The following TRIM24 variants were observed in gnomAD, a reference collection of about 807,000 sequenced individuals.
TRIM24 encodes the protein tripartite motif containing 24.
TRIM24 carries 29 observed loss-of-function variants against 123.9 expected under a neutral mutation model. The observed-to-expected ratio is 0.23, with a 90% CI of 0.17 to 0.32. TRIM24 has a LOEUF of 0.32. TRIM24 is among the 10% of genes least tolerant of loss of function. The pLI is 1.00. For missense variants in TRIM24, 932 were observed against 1,295.3 expected (o/e 0.72, Z 4.31); for synonymous variants, 456 against 461.1 (o/e 0.99, Z 0.14).
At position 138,583,845 on chromosome 7, in the gene TRIM24, A is replaced by T. The variant is rs1269989253; in HGVS notation, c.2794-5A>T. The T allele has an allele frequency of 6.5e-7, 1 of 1,539,714 alleles. No individual in the cohort carries two copies. Among genetic ancestry groups the T allele is most frequent in the African/African-American group, 1.4e-5 (1 of 71,410 alleles). ...TTGTATTATAACATCTCATTTTTTT[A>T]ATAGGTGCCTGATTATTACAAAATA... On this transcript the variant is annotated splice_region_variant and splice_polypyrimidine_tract_variant and intron_variant, in intron 17 of 18. Transcript: ENST00000343526.
chr7:138,478,607 G>C (rs1358119518), intron 1 of TRIM24, among the ~76,000 whole-genome samples: 2 of 152,168 alleles, frequency 1.3e-5, no homozygotes, highest in Non-Finnish European at 2.9e-5. Context: ...CTCTTGAGTA[G>C]CTGGGACAAC....
chr7:138,470,812 C>A (rs1429279628), intron 1 of TRIM24, among the ~76,000 whole-genome samples: 1 of 152,180 alleles, frequency 6.6e-6, no homozygotes, highest in Non-Finnish European at 1.5e-5. Context: ...GCAAGGAGAT[C>A]CCTGTCCTAT....
At chr7:138,529,028 C>A (rs1796671673) in intron 5 of TRIM24, 88 bp from the exon 6 acceptor site, 1 of 662,256 alleles carries the variant, frequency 1.5e-6, no homozygotes, top group Non-Finnish European at 2.4e-6. Context: ...GGGCTGAAAA[C>A]ATTTTGGTCT....
At chr7:138,532,556 T>C (rs1452501849) in intron 6 of TRIM24, among the ~76,000 whole-genome samples, 1 of 152,222 alleles carries the variant, frequency 6.6e-6, no homozygotes, top group South Asian at 2.1e-4. Flanking sequence ...GGCTCTGTTC[T>C]GTTCCAAAGG....
chr7:138,460,611 G>A lies in TRIM24; in HGVS notation c.63G>A (p.Gly21=). 7.3e-7 allele frequency: 1 copy of A among 1,369,008 alleles called. No homozygotes were observed. The highest frequency in any genetic ancestry group is 9.4e-7 in the Non-Finnish European group (1 of 1,068,062). The allele number at this position is 1,369,008 out of a possible 1,614,324, so 84.8% of individuals were successfully genotyped here. A position where few individuals can be genotyped will look rare whatever the true frequency, so the allele number is the denominator to read the frequency against. Residue 21 remains glycine, a synonymous_variant, in exon 1 of 19, where the codon GGG becomes GGA. Transcript: ENST00000343526. ...AAAAASAAAS[G]GPSAAPSGEN... is the part of the protein sequence containing the mutation. ...CAGCGGCCTCGGCTGCGGCCTCCGGGGGGCCCTCGGCGGCGCCGAGCGGGG... is the reference window on the plus strand; with the variant it reads ...CAGCGGCCTCGGCTGCGGCCTCCGGAGGGCCCTCGGCGGCGCCGAGCGGGG...
intron 3 of TRIM24, among the ~76,000 whole-genome samples, chr7:138,516,288 C>T (rs1490341440): frequency 6.6e-6 from 1 of 152,130 alleles, no homozygotes; most frequent in African/African-American, 2.4e-5. Flanking sequence ...TGTGACAGAG[C>T]GAGACTCCGT....
At chr7:138,481,354 G>A (rs562257171) in intron 1 of TRIM24, among the ~76,000 whole-genome samples, 1 of 152,040 alleles carries the variant, frequency 6.6e-6, no homozygotes, top group South Asian at 2.1e-4. Context: ...CCAAATATCT[G>A]GGATGACAAG....
chr7:138,517,083 C>T (rs112009851), intron 3 of TRIM24, among the ~76,000 whole-genome samples: 4,055 of 150,254 alleles, frequency 0.027, 192 homozygotes, highest in African/African-American at 0.094. Flanking sequence ...TCCGTCTGCG[C>T]GACAGTGTGA....
At position 138,527,599 on chromosome 7, in the gene TRIM24, T is replaced by C. The variant is rs75636163; in HGVS notation, c.882-1517T>C. On this transcript the variant is annotated intron_variant, in intron 5 of 18. Transcript: ENST00000343526. ...GATGTCAAACAATTATCTGGAAGAA[T>C]TTCCAGCAGGAAATAAAGTCTCTGC... Among the ~76,000 whole-genome samples, 651 of 152,354 alleles carry C rather than the reference T, an allele frequency of 4.3e-3. 6 individuals carry two copies. Among genetic ancestry groups the C allele is most frequent in the African/African-American group, 0.015 (636 of 41,594 alleles).
At chr7:138,579,583 T>C (rs768838848) in intron 15 of TRIM24, 51 bp downstream of exon 15, 2 of 1,457,700 alleles carry the variant, frequency 1.4e-6, no homozygotes, top group South Asian at 1.3e-5. Context: ...CTTTTGAAGA[T>C]TATTTTAACA....
At chr7:138,549,926 T>G (rs1584733592) in intron 7 of TRIM24, among the ~76,000 whole-genome samples, 1 of 152,180 alleles carries the variant, frequency 6.6e-6, no homozygotes, top group Non-Finnish European at 1.5e-5. Context: ...GAGGGGATAT[T>G]GACTGAAAAG....
chr7:138,565,426 TC>T (rs78737475), intron 9 of TRIM24, among the ~76,000 whole-genome samples: 32,746 of 152,028 alleles, frequency 0.22, 4,432 homozygotes, highest in East Asian at 0.5. Flanking sequence ...ATCATCCTGT[TC>T]CTGCTTAGGT....
intron 1 of TRIM24, among the ~76,000 whole-genome samples, chr7:138,478,940 A>G (rs1408580128): frequency 6.6e-6 from 1 of 152,154 alleles, no homozygotes; most frequent in Non-Finnish European, 1.5e-5. Context: ...CTTCCAATTC[A>G]TTATTTTAAT....
chr7:138,553,279 C>T lies in TRIM24; in HGVS notation c.1262-1419C>T, dbSNP rs568150762. ...ATGGCTTCTGAGAAACATATAAAAG[C>T]GCTAGGGGAAAATATTGATCTAGAT... On this transcript the variant is annotated intron_variant, in intron 8 of 18. Transcript: ENST00000343526. 2.3e-4 allele frequency among the ~76,000 whole-genome samples: 35 copies of T among 152,130 alleles called. No individual in the cohort carries two copies. The South Asian group carries it at 3.5e-3, about 15-fold the overall frequency.
chr7:138,508,002 A>G lies in TRIM24; in HGVS notation c.483+3594A>G, dbSNP rs76615618. Among the ~76,000 whole-genome samples the G allele has an allele frequency of 6.3e-3, 960 of 152,312 alleles. 6 individuals are homozygous for G. Among genetic ancestry groups the G allele is most frequent in the Non-Finnish European group, 0.01 (684 of 68,028 alleles). The stretch of plus-strand genomic sequence containing the variant: ...TTATCAAATATCTAAGCAGTAATCA[A>G]ATGGATCTGAATATTATAGGTTTTT... On this transcript the variant is annotated intron_variant, in intron 2 of 18. Transcript: ENST00000343526.
At chr7:138,545,363 T>G in intron 7 of TRIM24, 1 of 454,458 alleles carries the variant, frequency 2.2e-6, no homozygotes, top group South Asian at 1.6e-5. Flanking sequence ...ACGGAAGTGG[T>G]AAGAAGAATT....
chr7:138,505,355 G>C (rs1032823238), intron 2 of TRIM24, among the ~76,000 whole-genome samples: 1 of 152,098 alleles, frequency 6.6e-6, no homozygotes, highest in African/African-American at 2.4e-5. Context: ...TTCAAGCTCA[G>C]TTTTTCACTT....
chr7:138,462,946 C>G (rs13246362), intron 1 of TRIM24, among the ~76,000 whole-genome samples: 1 of 150,278 alleles, frequency 6.7e-6, no homozygotes, highest in Admixed American at 6.6e-5. Context: ...CTTGGCTCAC[C>G]GCAACCTCTG....
At chr7:138,574,933 A>C (rs1375731355) in intron 12 of TRIM24, among the ~76,000 whole-genome samples, 2 of 152,192 alleles carry the variant, frequency 1.3e-5, no homozygotes, top group Non-Finnish European at 2.9e-5. Flanking sequence ...CGTATTTATT[A>C]ATATTTATAT....
Sources: allele counts gnomAD v4.1 joint callset (sites outside exome capture counted in the v4.1 genomes callset), GRCh38; gene constraint gnomAD v4.1.1; transcripts MANE v1.5; gene names NCBI Gene and HGNC (gene_info 2026-07-23, HGNC 2026-07-21).